The following CCM2 variants were observed in gnomAD, a reference collection of about 807,000 sequenced individuals.
CCM2 encodes the protein CCM2 scaffold protein, also known as cerebral cavernous malformations 2 protein.
In CCM2, 25 loss-of-function variants were observed where a neutral mutation model predicts 44.9. That is an observed-to-expected ratio of 0.56 (90% CI 0.41 to 0.78). CCM2 has a LOEUF of 0.78. Ranked by LOEUF, CCM2 falls within the 30% of genes least tolerant of loss-of-function variation. The pLI is 0.00. For missense variants in CCM2, 481 were observed against 580.6 expected (o/e 0.83, Z 1.76); for synonymous variants, 219 against 241.1 (o/e 0.91, Z 0.85).
intron 1 of CCM2, among the ~76,000 whole-genome samples, chr7:45,019,583 A>C (rs915876949): frequency 6.6e-6 from 1 of 152,096 alleles, no homozygotes; most frequent in African/African-American, 2.4e-5. Flanking sequence ...GGGAGAGCTA[A>C]AATCTCAGCT....
intron 1 of CCM2, among the ~76,000 whole-genome samples, chr7:45,024,868 T>TA (rs1426581397): frequency 6.6e-6 from 1 of 152,208 alleles, no homozygotes; most frequent in Non-Finnish European, 1.5e-5. Flanking sequence ...GTTTGTCTCT[T>TA]ACATTCAGCC....
intron 2 of CCM2, among the ~76,000 whole-genome samples, chr7:45,038,795 C>T (rs999750963): frequency 6.6e-6 from 1 of 152,210 alleles, no homozygotes; most frequent in African/African-American, 2.4e-5. Flanking sequence ...CCTTGCAGGT[C>T]TAACAGTCAC....
At chr7:45,060,821 C>CT (rs1798484909) in intron 2 of CCM2, among the ~76,000 whole-genome samples, 1 of 152,204 alleles carries the variant, frequency 6.6e-6, no homozygotes, top group African/African-American at 2.4e-5. Flanking sequence ...CTTATGCTGC[C>CT]TATCTGTTCT....
At chr7:45,069,387 G>A (rs1158826530) in intron 5 of CCM2, among the ~76,000 whole-genome samples, 2 of 152,208 alleles carry the variant, frequency 1.3e-5, no homozygotes, top group African/African-American at 4.8e-5. Flanking sequence ...CCCCAGTTGA[G>A]AGCCTCTGCT....
intron 1 of CCM2, among the ~76,000 whole-genome samples, chr7:45,011,881 A>G (rs1348073880): frequency 1.3e-5 from 2 of 152,012 alleles, no homozygotes; most frequent in Non-Finnish European, 2.9e-5. Context: ...AAGTTTTTGT[A>G]GAGTATCAGT....
At chr7:44,999,800 GC>G (rs1562847385), upstream of CCM2, 18 of 9,872 alleles carry the variant, frequency 1.8e-3, no homozygotes, top group African/African-American at 0.016. Context: ...AGTTGGAGCT[GC>G]TCCCGCGCGC....
intron 1 of CCM2, among the ~76,000 whole-genome samples, chr7:45,023,656 G>C (rs1562868134): frequency 1.3e-5 from 2 of 151,562 alleles, no homozygotes; most frequent in South Asian, 2.1e-4. Flanking sequence ...CCTTTTTCTA[G>C]AGAATGCCTT....
intron 1 of CCM2, among the ~76,000 whole-genome samples, chr7:45,005,369 G>T (rs187793636): frequency 7.2e-4 from 110 of 152,300 alleles, no homozygotes; most frequent in African/African-American, 2.4e-3. Context: ...ACCTTCCAGG[G>T]CTGCTCTGAG....
intron 2 of CCM2, among the ~76,000 whole-genome samples, chr7:45,051,286 A>T (rs1797989835): frequency 6.6e-6 from 1 of 152,122 alleles, no homozygotes; most frequent in South Asian, 2.1e-4. Flanking sequence ...ATTGGTTTAG[A>T]TGTATACTGC....
intron 2 of CCM2, among the ~76,000 whole-genome samples, chr7:45,058,567 GTGTT>G (rs1203167666): frequency 1.3e-5 from 2 of 150,100 alleles, no homozygotes; most frequent in Admixed American, 6.7e-5. Flanking sequence ...AGAACATGCG[GTGTT>G]TGTTTTTTTG....
At chr7:45,017,953 T>C (rs533727837) in intron 1 of CCM2, among the ~76,000 whole-genome samples, 4 of 152,338 alleles carry the variant, frequency 2.6e-5, no homozygotes, top group Admixed American at 2.6e-4. Context: ...TCTTCATTTT[T>C]GAAGGATAGT....
chr7:45,039,737 G>C (rs1315410016), intron 2 of CCM2, among the ~76,000 whole-genome samples: 2 of 152,112 alleles, frequency 1.3e-5, no homozygotes, highest in African/African-American at 4.8e-5. Context: ...AATTAAAACT[G>C]TTAATTAGGC....
At position 45,069,829 on chromosome 7, in the gene CCM2, G is replaced by T. The variant is rs756126156; in HGVS notation, c.613G>T (p.Ala205Ser). The stretch of plus-strand genomic sequence containing the variant: ...CAGCTGCTGTCCCCCACTGCAGGTC[G>T]CTGCGGAGGAGCTTTGCTGTCTGCT... The part of the protein sequence containing the change: ...LVILAAESKV[A>S]AEELCCLLGQ... The change falls in exon 6 of 10, where the codon GCT becomes TCT. Residue 205 changes from alanine (A) to serine (S), a missense_variant. Transcript: ENST00000258781. 1.9e-6 allele frequency: 3 copies of T among 1,614,080 alleles called. No homozygotes were observed. Among genetic ancestry groups the T allele is most frequent in the South Asian group, 1.1e-5 (1 of 91,082 alleles).
chr7:45,044,008 T>G (rs963281217), intron 2 of CCM2, among the ~76,000 whole-genome samples: 4 of 152,264 alleles, frequency 2.6e-5, no homozygotes, highest in Non-Finnish European at 5.9e-5. Context: ...GGCTTATCAG[T>G]TCTTCTCCCT....
rs1340510642 is a variant in CCM2 at position 45,062,671 on chromosome 7, CA to C, written c.205-1242del. Among the ~76,000 whole-genome samples the C allele has an allele frequency of 2.5e-4, 38 of 152,108 alleles. 1 individual carries two copies. The highest frequency in any genetic ancestry group is 2.1e-3 in the Admixed American group (32 of 15,278). On this transcript the variant is annotated intron_variant, in intron 2 of 9. Coordinates refer to ENST00000258781, the MANE Select transcript of CCM2 (RefSeq NM_031443.4). Reference sequence around the variant, plus strand: ...GCTACATGGCAAAACCCTGTCTCTACAAAAATTAGCCAGGCGTGGTGACACA... The same window carrying C: ...GCTACATGGCAAAACCCTGTCTCTACAAAATTAGCCAGGCGTGGTGACACA...
intron 1 of CCM2, among the ~76,000 whole-genome samples, chr7:45,034,465 G>C (rs1165937857): frequency 1.4e-5 from 2 of 143,678 alleles, no homozygotes; most frequent in Non-Finnish European, 3.0e-5. Flanking sequence ...TGCCAGTCTT[G>C]GCCTCCCAAA....
intron 1 of CCM2, among the ~76,000 whole-genome samples, chr7:45,002,664 A>C (rs1282425482): frequency 6.6e-6 from 1 of 152,186 alleles, no homozygotes; most frequent in Non-Finnish European, 1.5e-5. Context: ...ACTTGGCCCC[A>C]GTGTATCACT....
chr7:45,069,793 G>T, intron 5 of CCM2, 33 bp from the exon 6 acceptor site: 2 of 1,613,380 alleles, frequency 1.2e-6, no homozygotes, highest in South Asian at 2.2e-5. Flanking sequence ...TCTCCAGCCA[G>T]ACTGACCGAG....
At chr7:45,005,492 G>A (rs774625332) in intron 1 of CCM2, among the ~76,000 whole-genome samples, 8 of 152,332 alleles carry the variant, frequency 5.3e-5, no homozygotes, top group Non-Finnish European at 1.0e-4. Context: ...CCACTGGGGC[G>A]CTTACTCTTG....
Sources: allele counts gnomAD v4.1 joint callset (sites outside exome capture counted in the v4.1 genomes callset), GRCh38; gene constraint gnomAD v4.1.1; transcripts MANE v1.5; gene names NCBI Gene and HGNC (gene_info 2026-07-23, HGNC 2026-07-21).